Variants in CDK14 observed in about 807,000 individuals in gnomAD.
CDK14 encodes the protein cyclin-dependent kinase 14.
In CDK14, 34 loss-of-function variants were observed where a neutral mutation model predicts 60.7. The observed-to-expected ratio is 0.56, with a 90% CI of 0.43 to 0.75. The LOEUF (loss-of-function observed/expected upper bound fraction) is 0.75. Among genes scored for constraint, CDK14 ranks in the 30% least tolerant of loss-of-function variants. CDK14 has a pLI of 0.00. For missense variants in CDK14, 482 were observed against 564.1 expected (o/e 0.85, Z 1.47); for synonymous variants, 197 against 203.7 (o/e 0.97, Z 0.28).
chr7:90,674,981 G>T (rs888997825), intron 2 of CDK14, among the ~76,000 whole-genome samples: 3 of 152,156 alleles, frequency 2.0e-5, no homozygotes, highest in African/African-American at 7.2e-5. Flanking sequence ...TCCCCAAATC[G>T]TCAATTTCAG....
intron 6 of CDK14, among the ~76,000 whole-genome samples, chr7:90,865,164 G>A (rs1791136197): frequency 6.6e-6 from 1 of 151,908 alleles, no homozygotes; most frequent in Non-Finnish European, 1.5e-5. Flanking sequence ...GCTGCTATAT[G>A]TGAAGTTTGA....
At chr7:91,097,098 G>A (rs1457265554) in intron 12 of CDK14, among the ~76,000 whole-genome samples, 2 of 151,874 alleles carry the variant, frequency 1.3e-5, no homozygotes, top group Admixed American at 6.6e-5. Context: ...AAACATATTC[G>A]GGCCGGACAC....
intron 9 of CDK14, among the ~76,000 whole-genome samples, chr7:90,976,200 T>A (rs575032574): frequency 6.6e-6 from 1 of 152,262 alleles, no homozygotes; most frequent in Admixed American, 6.5e-5. Context: ...ATTTTTTATC[T>A]TTTTCTTAAT....
intron 14 of CDK14, among the ~76,000 whole-genome samples, chr7:91,164,433 A>G (rs1046422175): frequency 6.6e-6 from 1 of 152,220 alleles, no homozygotes; most frequent in African/African-American, 2.4e-5. Flanking sequence ...TGAGGCTACC[A>G]TGGCAAAGTA....
chr7:90,757,076 C>A (rs1804092938), intron 4 of CDK14, among the ~76,000 whole-genome samples: 2 of 152,210 alleles, frequency 1.3e-5, no homozygotes, highest in Admixed American at 6.5e-5. Context: ...GGGTAGGTTC[C>A]TTCTGAGGAT....
At chr7:90,901,409 T>C (rs1291617175) in intron 7 of CDK14, among the ~76,000 whole-genome samples, 6 of 152,150 alleles carry the variant, frequency 3.9e-5, no homozygotes, top group Non-Finnish European at 8.8e-5. Context: ...CACCGATAGA[T>C]GACTTACTAC....
chr7:91,063,254 A>C (rs141979090), intron 11 of CDK14, among the ~76,000 whole-genome samples: 1 of 152,214 alleles, frequency 6.6e-6, no homozygotes, highest in Non-Finnish European at 1.5e-5. Context: ...CAAATGCATG[A>C]CTATGGAATA....
intron 3 of CDK14, among the ~76,000 whole-genome samples, chr7:90,731,679 C>T (rs567215188): frequency 2.0e-5 from 3 of 152,080 alleles, no homozygotes; most frequent in Non-Finnish European, 4.4e-5. Context: ...GTGATTTTTG[C>T]ACATTGATTT....
At chr7:90,997,330 G>A (rs1053423035) in intron 10 of CDK14, among the ~76,000 whole-genome samples, 2 of 152,182 alleles carry the variant, frequency 1.3e-5, no homozygotes, top group Admixed American at 6.5e-5. Flanking sequence ...TATTGCAGAG[G>A]CCAAGGACAT....
At chr7:90,917,838 T>G in intron 8 of CDK14, 114 bp downstream of exon 8, 1 of 1,066,692 alleles carries the variant, frequency 9.4e-7, no homozygotes, top group Admixed American at 2.5e-5. Context: ...TCCTGGTAAT[T>G]TTTTTTTTCT....
At chr7:90,962,491 GAAAA>G (rs947122629) in intron 9 of CDK14, among the ~76,000 whole-genome samples, 1 of 141,602 alleles carries the variant, frequency 7.1e-6, no homozygotes, top group Non-Finnish European at 1.6e-5. Flanking sequence ...GTCTCAAAAA[GAAAA>G]AAAAAAAGTC....
In CDK14 at chr7:91,207,210, A is replaced by G. The variant is rs1353150513; in HGVS notation, c.*74A>G. ...GGGAAGAAAAAAAAAACATTAATGA[A>G]GAGGCCAATAATATGAAGGGAATCA... is the stretch of plus-strand genomic sequence containing the variant. On this transcript the variant is annotated 3_prime_UTR_variant, in exon 15 of 15. Coordinates refer to ENST00000380050, the MANE Select transcript of CDK14 (RefSeq NM_001287135.2). 33 of 152,036 alleles carry G rather than the reference A, an allele frequency of 2.2e-4. No individual in the cohort carries two copies. Among genetic ancestry groups the G allele is most frequent in the Admixed American group, 2.2e-3 (33 of 15,270 alleles). The allele number at this position is 152,036 out of a possible 1,614,324, so 9.4% of individuals were successfully genotyped here. A position where few individuals can be genotyped will look rare whatever the true frequency, so the allele number is the denominator to read the frequency against.
chr7:90,860,446 A>G (rs975867868), intron 5 of CDK14, among the ~76,000 whole-genome samples: 1 of 152,116 alleles, frequency 6.6e-6, no homozygotes, highest in Non-Finnish European at 1.5e-5. Context: ...ATTTATAAAC[A>G]TAAATCTTAA....
chr7:90,826,598 A>T (rs1324830406), intron 5 of CDK14, among the ~76,000 whole-genome samples: 1 of 152,188 alleles, frequency 6.6e-6, no homozygotes, highest in Admixed American at 6.5e-5. Context: ...GCAGGAAGGC[A>T]AGGTTGGGGG....
At chr7:91,048,657 C>A (rs1292131166) in intron 11 of CDK14, among the ~76,000 whole-genome samples, 1 of 152,188 alleles carries the variant, frequency 6.6e-6, no homozygotes, top group Non-Finnish European at 1.5e-5. Context: ...CCCACAGCTG[C>A]TTCTCCTCTC....
At chr7:90,921,646 A>G (rs1793256572) in intron 8 of CDK14, among the ~76,000 whole-genome samples, 1 of 152,190 alleles carries the variant, frequency 6.6e-6, no homozygotes, top group Non-Finnish European at 1.5e-5. Flanking sequence ...GTCTATACCA[A>G]AAGACATCGA....
intron 8 of CDK14, among the ~76,000 whole-genome samples, chr7:90,950,918 T>C (rs1187594913): frequency 6.6e-6 from 1 of 152,226 alleles, no homozygotes; most frequent in African/African-American, 2.4e-5. Flanking sequence ...GGTTGTTTAT[T>C]GATACATTAT....
chr7:90,628,200 A>G (rs1054898350), intron 2 of CDK14, among the ~76,000 whole-genome samples: 6 of 152,022 alleles, frequency 3.9e-5, no homozygotes, highest in African/African-American at 1.5e-4. Context: ...CAAGTAATCT[A>G]CCTGCCTTAG....
intron 14 of CDK14, among the ~76,000 whole-genome samples, chr7:91,187,227 C>G (rs1383544140): frequency 6.6e-6 from 1 of 152,144 alleles, no homozygotes; most frequent in Admixed American, 6.6e-5. Context: ...AAACATTGCT[C>G]TCTTTTCGTA....
Sources: gnomAD v4.1 joint callset for allele counts (sites outside exome capture counted in the v4.1 genomes callset) on GRCh38, gnomAD v4.1.1 for gene constraint, MANE v1.5 for transcripts, NCBI Gene and HGNC (gene_info 2026-07-23, HGNC 2026-07-21) for gene names.